Variants in GPC6 observed in about 807,000 individuals in gnomAD.
GPC6 encodes glypican 6.
Under a neutral mutation model 55.2 loss-of-function variants are expected in GPC6, and 14 were observed. That is an observed-to-expected ratio of 0.25 (90% CI 0.17 to 0.40). The LOEUF is 0.40. Among genes scored for constraint, GPC6 ranks in the 10% least tolerant of loss-of-function variants. The probability of loss-of-function intolerance (pLI) is 1.00; values close to 1 mark genes in which losing one functional copy is unlikely to be tolerated. For synonymous variants in GPC6, 278 were observed against 259.6 expected (o/e 1.07, Z -0.68); for missense variants, 641 against 708.5 (o/e 0.90, Z 1.08).
chr13:93,547,174 CA>C lies in GPC6; in HGVS notation c.319+1775del, dbSNP rs55697128. ...TGAAACCCCATCTCTACTAAAAATACAAAAAAAAAAAAAAAAAAAAAATTAG... is the reference window on the plus strand; with the variant it reads ...TGAAACCCCATCTCTACTAAAAATACAAAAAAAAAAAAAAAAAAAAATTAG... On this transcript the variant is annotated intron_variant, in intron 2 of 8. Coordinates refer to ENST00000377047, the MANE Select transcript of GPC6 (RefSeq NM_005708.5). Among the ~76,000 whole-genome samples the C allele has an allele frequency of 9.7e-3, 1,245 of 128,994 alleles. 16 individuals are homozygous for C. Among genetic ancestry groups the C allele is most frequent in the African/African-American group, 0.026 (928 of 35,330 alleles). 84.6% of individuals were successfully genotyped at this position (128,994 alleles called of 152,430 possible). A position where few individuals can be genotyped will look rare whatever the true frequency, so the allele number is the denominator to read the frequency against.
intron 3 of GPC6, among the ~76,000 whole-genome samples, chr13:93,885,794 C>T (rs1875288953): frequency 6.6e-6 from 1 of 152,102 alleles, no homozygotes; most frequent in Admixed American, 6.6e-5. Context: ...CAATCTAAAT[C>T]TCTTTATATA....
chr13:94,351,231 T>G (rs564693977), intron 6 of GPC6, among the ~76,000 whole-genome samples: 3 of 151,950 alleles, frequency 2.0e-5, no homozygotes, highest in Non-Finnish European at 4.4e-5. Flanking sequence ...TGAGGAAAAG[T>G]GTATATCGGT....
chr13:93,771,557 C>T (rs1446897240), intron 2 of GPC6, among the ~76,000 whole-genome samples: 1 of 152,088 alleles, frequency 6.6e-6, no homozygotes, highest in Non-Finnish European at 1.5e-5. Context: ...TCACAACAAG[C>T]TGTGCAGTCC....
intron 4 of GPC6, among the ~76,000 whole-genome samples, chr13:94,149,308 G>A (rs1158722821): frequency 6.6e-6 from 1 of 152,154 alleles, no homozygotes; most frequent in Admixed American, 6.5e-5. Flanking sequence ...CATCTGGAAT[G>A]CCAGCTCAGA....
chr13:93,380,163 A>G (rs1875098215), intron 1 of GPC6, among the ~76,000 whole-genome samples: 1 of 152,138 alleles, frequency 6.6e-6, no homozygotes, highest in African/African-American at 2.4e-5. Flanking sequence ...AGAAAAATGG[A>G]AAAATATATA....
intron 1 of GPC6, among the ~76,000 whole-genome samples, chr13:93,513,316 A>T (rs1377900833): frequency 6.6e-6 from 1 of 152,176 alleles, no homozygotes; most frequent in Non-Finnish European, 1.5e-5. Context: ...AACCAATGAC[A>T]GTTACAATTG....
chr13:94,062,043 A>T (rs528340462), intron 4 of GPC6, among the ~76,000 whole-genome samples: 1 of 152,278 alleles, frequency 6.6e-6, no homozygotes, highest in African/African-American at 2.4e-5. Context: ...TATTTAATGC[A>T]GGGATCTTGC....
intron 4 of GPC6, among the ~76,000 whole-genome samples, chr13:94,031,582 GTC>G (rs1205403828): frequency 6.8e-6 from 1 of 147,860 alleles, no homozygotes; most frequent in African/African-American, 2.4e-5. Context: ...GGCATTAACA[GTC>G]TCTGCTCAGG....
intron 3 of GPC6, among the ~76,000 whole-genome samples, chr13:93,896,370 A>T (rs907391944): frequency 1.3e-5 from 2 of 152,204 alleles, no homozygotes; most frequent in East Asian, 3.9e-4. Context: ...CCATATAAGT[A>T]GAGTTTTAAG....
intron 2 of GPC6, among the ~76,000 whole-genome samples, chr13:93,624,066 C>T (rs768111538): frequency 8.6e-5 from 13 of 151,894 alleles, no homozygotes; most frequent in Non-Finnish European, 1.5e-4. Context: ...AGAAATACAT[C>T]CTCACATGTA....
At chr13:93,817,754 G>C (rs1886904440) in intron 2 of GPC6, among the ~76,000 whole-genome samples, 1 of 151,866 alleles carries the variant, frequency 6.6e-6, no homozygotes, top group East Asian at 1.9e-4. Flanking sequence ...AGCTACCCAG[G>C]AGGCTGAAGT....
chr13:94,277,198 CT>C (rs1892243034), intron 4 of GPC6, among the ~76,000 whole-genome samples: 1 of 151,912 alleles, frequency 6.6e-6, no homozygotes, highest in South Asian at 2.1e-4. Context: ...TGCTGTTGAG[CT>C]TTTTTTCATA....
intron 1 of GPC6, among the ~76,000 whole-genome samples, chr13:93,271,843 T>C (rs1411322435): frequency 6.6e-6 from 1 of 152,192 alleles, no homozygotes; most frequent in African/African-American, 2.4e-5. Flanking sequence ...TGATTTTCCT[T>C]TCATAGACTG....
chr13:93,721,253 T>G (rs146732083), intron 2 of GPC6, among the ~76,000 whole-genome samples: 3 of 151,850 alleles, frequency 2.0e-5, no homozygotes, highest in African/African-American at 7.2e-5. Context: ...GCTCCTGTAT[T>G]GGGTGGATAG....
In GPC6 at chr13:93,830,277, G is replaced by T. The variant is rs1376406549; in HGVS notation, c.443G>T (p.Arg148Met). Residue 148 changes from arginine (R) to methionine (M), a missense_variant, in exon 3 of 9, where the codon AGG becomes ATG. Transcript: ENST00000377047. The part of the protein sequence containing the change: ...VFQDLFTELK[R>M]YYTGGNVNLE... Reference sequence around the variant, plus strand: ...CAGGACCTCTTCACAGAGCTGAAAAGGTACTACACTGGGGGTAATGTGAAT... The same window carrying T: ...CAGGACCTCTTCACAGAGCTGAAAATGTACTACACTGGGGGTAATGTGAAT... 6.2e-7 allele frequency: 1 copy of T among 1,613,668 alleles called. No individual in the cohort carries two copies.
chr13:93,520,450 C>G (rs895222311), intron 1 of GPC6, among the ~76,000 whole-genome samples: 1 of 151,724 alleles, frequency 6.6e-6, no homozygotes. Flanking sequence ...ATCAAAGGAC[C>G]AGTTGCAAAT....
At chr13:94,134,604 T>A (rs531055930) in intron 4 of GPC6, among the ~76,000 whole-genome samples, 1 of 152,318 alleles carries the variant, frequency 6.6e-6, no homozygotes, top group South Asian at 2.1e-4. Flanking sequence ...GCACATAACT[T>A]ATTGTTGCAT....
At chr13:94,000,325 A>T (rs1261145072) in intron 3 of GPC6, among the ~76,000 whole-genome samples, 1 of 152,186 alleles carries the variant, frequency 6.6e-6, no homozygotes, top group Admixed American at 6.6e-5. Context: ...AAATCCATTT[A>T]TACTCTGGCA....
At chr13:93,910,842 C>A (rs1876935297) in intron 3 of GPC6, among the ~76,000 whole-genome samples, 1 of 152,132 alleles carries the variant, frequency 6.6e-6, no homozygotes, top group Non-Finnish European at 1.5e-5. Context: ...TCAGGTAAGA[C>A]AAGCTCAGTT....
Sources: allele counts gnomAD v4.1 joint callset (sites outside exome capture counted in the v4.1 genomes callset), GRCh38; gene constraint gnomAD v4.1.1; transcripts MANE v1.5; gene names NCBI Gene and HGNC (gene_info 2026-07-23, HGNC 2026-07-21).